Variants in GMDS observed in about 807,000 individuals in gnomAD.
GMDS encodes GDP-mannose 4,6-dehydratase.
In GMDS, 20 loss-of-function variants were observed where a neutral mutation model predicts 49.9. The observed-to-expected ratio is 0.40, with a 90% CI of 0.28 to 0.58. The LOEUF (loss-of-function observed/expected upper bound fraction) is 0.58, where lower values mean the gene tolerates loss of function less well. Among genes scored for constraint, GMDS ranks in the 20% least tolerant of loss-of-function variants. GMDS has a pLI of 0.42. For missense variants in GMDS, 362 were observed against 481.4 expected (o/e 0.75, Z 2.32); for synonymous variants, 177 against 178.6 (o/e 0.99, Z 0.07).
intron 1 of GMDS, among the ~76,000 whole-genome samples, chr6:2,189,434 C>T (rs947911724): frequency 6.6e-6 from 1 of 152,096 alleles, no homozygotes; most frequent in Non-Finnish European, 1.5e-5. Flanking sequence ...TTTTTCAGTC[C>T]ATAATGGTGA....
At chr6:2,069,036 C>T (rs1316938539) in intron 4 of GMDS, among the ~76,000 whole-genome samples, 1 of 152,106 alleles carries the variant, frequency 6.6e-6, no homozygotes, top group African/African-American at 2.4e-5. Flanking sequence ...GCTACAGTAA[C>T]CAAAACAGCA....
chr6:2,117,514 G>T lies in GMDS; in HGVS notation c.190C>A (p.Arg64=). Residue 64 remains arginine (R), a synonymous_variant, in exon 3 of 11, where the codon CGA becomes AGA. Transcript: ENST00000380815. ...GGATTCTTATACAGATGCTCAATTCGACCCGTATTAAATGAACTGGACCGC... is the reference window on the plus strand; with the variant it reads ...GGATTCTTATACAGATGCTCAATTCTACCCGTATTAAATGAACTGGACCGC... ...VRRSSSFNTG[R]IEHLYKNPQA... 1.2e-6 allele frequency: 2 copies of T among 1,609,424 alleles called. No individual in the cohort carries two copies. The highest frequency in any genetic ancestry group is 4.5e-5 in the East Asian group (2 of 44,848).
chr6:1,999,942 A>ATATAATATTTT (rs1172894275), intron 4 of GMDS, among the ~76,000 whole-genome samples: 1 of 52,394 alleles, frequency 1.9e-5, no homozygotes, highest in African/African-American at 6.4e-5. Context: ...TATTATATAT[A>ATATAATATTTT]ATATATAATA....
Position 1,946,471 on chromosome 6 carries a change from A to G in GMDS, c.643+13396T>C, listed in dbSNP as rs78042373. ...AGATGAGTGACAGAGCATCTGGCACATGGTCAGAACTAAATAAGTGTTACC... is the reference window on the plus strand; with the variant it reads ...AGATGAGTGACAGAGCATCTGGCACGTGGTCAGAACTAAATAAGTGTTACC... On this transcript the variant is annotated intron_variant, in intron 6 of 10. Coordinates refer to ENST00000380815, the MANE Select transcript of GMDS (RefSeq NM_001500.4). Among the ~76,000 whole-genome samples the G allele has an allele frequency of 3.3e-3, 506 of 151,182 alleles. 3 individuals carry two copies. The highest frequency in any genetic ancestry group is 0.012 in the African/African-American group (488 of 41,028).
intron 1 of GMDS, among the ~76,000 whole-genome samples, chr6:2,227,164 T>C (rs1043286626): frequency 2.0e-5 from 3 of 152,090 alleles, no homozygotes; most frequent in African/African-American, 7.2e-5. Flanking sequence ...GAATAAATGT[T>C]AAGGAAAAAA....
At chr6:2,105,720 C>T (rs901391034) in intron 4 of GMDS, among the ~76,000 whole-genome samples, 1 of 152,114 alleles carries the variant, frequency 6.6e-6, no homozygotes, top group Non-Finnish European at 1.5e-5. Context: ...AAACCTGGCA[C>T]CAATGAAATA....
intron 4 of GMDS, among the ~76,000 whole-genome samples, chr6:2,004,253 T>C (rs1404004819): frequency 6.6e-6 from 1 of 152,196 alleles, no homozygotes; most frequent in Non-Finnish European, 1.5e-5. Context: ...AAAGGAGTGA[T>C]ACAGATTTAA....
chr6:1,920,536 C>T (rs1304665285), intron 7 of GMDS, among the ~76,000 whole-genome samples: 1 of 152,164 alleles, frequency 6.6e-6, no homozygotes, highest in Non-Finnish European at 1.5e-5. Flanking sequence ...GTTTTGCCCT[C>T]TCCAGAGTGC....
intron 4 of GMDS, among the ~76,000 whole-genome samples, chr6:2,023,235 CTTAT>C (rs1768382339): frequency 6.6e-6 from 1 of 152,210 alleles, no homozygotes; most frequent in Admixed American, 6.5e-5. Context: ...TCAAATTAAA[CTTAT>C]TTATAGTTTG....
At chr6:1,734,594 T>C (rs1413414995) in intron 8 of GMDS, among the ~76,000 whole-genome samples, 4 of 152,152 alleles carry the variant, frequency 2.6e-5, no homozygotes, top group African/African-American at 7.2e-5. Flanking sequence ...GCCAGAAAGG[T>C]GTGGTGCCCT....
chr6:2,100,812 C>G, intron 4 of GMDS, among the ~76,000 whole-genome samples: 1 of 151,866 alleles, frequency 6.6e-6, no homozygotes, highest in Non-Finnish European at 1.5e-5. Flanking sequence ...AAAACGTCCC[C>G]GAAAAGTGAA....
chr6:1,758,217 A>G (rs1480103593), intron 7 of GMDS, among the ~76,000 whole-genome samples: 3 of 152,200 alleles, frequency 2.0e-5, no homozygotes, highest in Admixed American at 2.0e-4. Context: ...CATTTTCTCC[A>G]CAGCACGGCT....
intron 4 of GMDS, among the ~76,000 whole-genome samples, chr6:2,006,250 T>A (rs1208998648): frequency 7.2e-6 from 1 of 138,402 alleles, no homozygotes; most frequent in Non-Finnish European, 1.6e-5. Flanking sequence ...AGGGAGAATT[T>A]GACTCTGCAA....
chr6:1,976,464 T>C (rs1764908870), intron 4 of GMDS, among the ~76,000 whole-genome samples: 1 of 152,190 alleles, frequency 6.6e-6, no homozygotes, highest in Non-Finnish European at 1.5e-5. Context: ...AGGAGCAGGG[T>C]GTTCCAATAT....
At chr6:1,654,287 T>A (rs543349296) in intron 9 of GMDS, among the ~76,000 whole-genome samples, 2 of 152,310 alleles carry the variant, frequency 1.3e-5, no homozygotes, top group South Asian at 4.1e-4. Context: ...GAAAGCTGAG[T>A]CTCAAATAGA....
intron 4 of GMDS, among the ~76,000 whole-genome samples, chr6:2,023,929 T>C (rs74674769): frequency 6.6e-6 from 1 of 152,220 alleles, no homozygotes; most frequent in African/African-American, 2.4e-5. Context: ...GGAGACATGG[T>C]TGAGAATTTT....
chr6:1,863,455 T>C (rs1758289552), intron 7 of GMDS, among the ~76,000 whole-genome samples: 1 of 152,186 alleles, frequency 6.6e-6, no homozygotes, highest in Admixed American at 6.5e-5. Context: ...ATTCTTTATA[T>C]AGCACTTATA....
chr6:2,016,506 T>C (rs1767910557), intron 4 of GMDS, among the ~76,000 whole-genome samples: 1 of 152,196 alleles, frequency 6.6e-6, no homozygotes. Context: ...GAACTATTAT[T>C]GGATATTTCA....
At chr6:2,175,802 T>C (rs1424980493) in intron 1 of GMDS, 1 of 604,870 alleles carries the variant, frequency 1.7e-6, no homozygotes. Context: ...AACATTTATA[T>C]AGCCCTTAAA....
Sources: allele counts gnomAD v4.1 joint callset (sites outside exome capture counted in the v4.1 genomes callset), GRCh38; gene constraint gnomAD v4.1.1; transcripts MANE v1.5; gene names NCBI Gene and HGNC (gene_info 2026-07-23, HGNC 2026-07-21).